MBOAT2: variants seen among roughly 807,000 people sequenced by gnomAD.
MBOAT2 encodes membrane-bound glycerophospholipid O-acyltransferase 2.
Under a neutral mutation model 63.4 loss-of-function variants are expected in MBOAT2, and 28 were observed. The observed-to-expected ratio is 0.44, with a 90% CI of 0.33 to 0.61. The LOEUF is 0.61. Ranked by LOEUF, MBOAT2 falls within the 20% of genes least tolerant of loss-of-function variation. The pLI, the probability that MBOAT2 is intolerant of heterozygous loss-of-function variation, is 0.03. For missense variants in MBOAT2, 470 were observed against 605.8 expected (o/e 0.78, Z 2.35); for synonymous variants, 211 against 215.6 (o/e 0.98, Z 0.19).
At chr2:8,960,068 T>C (rs1036701674) in intron 1 of MBOAT2, among the ~76,000 whole-genome samples, 4 of 152,226 alleles carry the variant, frequency 2.6e-5, no homozygotes, top group Non-Finnish European at 5.9e-5. Flanking sequence ...CAATTGTTCT[T>C]TAAAACAGAC....
At chr2:8,889,354 T>C (rs1056991851) in intron 4 of MBOAT2, among the ~76,000 whole-genome samples, 2 of 152,244 alleles carry the variant, frequency 1.3e-5, no homozygotes, top group African/African-American at 4.8e-5. Context: ...CTTGAGAAGC[T>C]ACAGCTCATT....
intron 1 of MBOAT2, among the ~76,000 whole-genome samples, chr2:8,969,516 TAAC>T (rs1241403310): frequency 2.0e-5 from 3 of 152,134 alleles, no homozygotes; most frequent in African/African-American, 7.2e-5. Flanking sequence ...AATTCACACA[TAAC>T]AATATTAACT....
chr2:8,877,876 T>C (rs62104409), intron 6 of MBOAT2, among the ~76,000 whole-genome samples: 10,322 of 152,204 alleles, frequency 0.068, 380 homozygotes, highest in Middle Eastern at 0.095. Flanking sequence ...GCCGTGGGGC[T>C]GGAGCAGAGT....
At position 8,852,843 on chromosome 2, in the gene MBOAT2, A is replaced by G. The variant is rs1660850714; in HGVS notation, c.*5836T>C. 1.3e-5 allele frequency: 2 copies of G among 152,254 alleles called. No individual in the cohort carries two copies. Among genetic ancestry groups the G allele is most frequent in the Non-Finnish European group, 2.9e-5 (2 of 68,042 alleles). The allele number at this position is 152,254 out of a possible 1,614,324, so 9.4% of individuals were successfully genotyped here. On this transcript the variant is annotated 3_prime_UTR_variant, in exon 13 of 13. Coordinates refer to ENST00000305997, the MANE Select transcript of MBOAT2 (RefSeq NM_138799.4). ...GACAGACTAGAAATGAGTGGTTATG[A>G]AATGAGCACATCTCAGTTTGACTGA... is the stretch of plus-strand genomic sequence containing the variant.
At position 8,942,883 on chromosome 2, in the gene MBOAT2, C is replaced by G. The variant is rs1668152475; in HGVS notation, c.299+304G>C. Among the ~76,000 whole-genome samples, 4 of 152,240 alleles carry G rather than the reference C, an allele frequency of 2.6e-5. 1 individual carries two copies. The South Asian group carries it at 8.3e-4, about 32-fold the overall frequency. On this transcript the variant is annotated intron_variant, in intron 3 of 12. Transcript: ENST00000305997. ...GAAAATATCTGGAAACATTTATGGTCGTCACAGCTCAAGGGGTGCTACTGG... is the reference window on the plus strand; with the variant it reads ...GAAAATATCTGGAAACATTTATGGTGGTCACAGCTCAAGGGGTGCTACTGG...
At chr2:8,956,553 T>C (rs1358378569) in intron 2 of MBOAT2, among the ~76,000 whole-genome samples, 2 of 151,800 alleles carry the variant, frequency 1.3e-5, no homozygotes, top group Non-Finnish European at 2.9e-5. Flanking sequence ...ATTAGCCGGG[T>C]GTGGTGGCAC....
At chr2:8,896,244 A>C (rs1298521255) in intron 4 of MBOAT2, among the ~76,000 whole-genome samples, 1 of 151,742 alleles carries the variant, frequency 6.6e-6, no homozygotes, top group African/African-American at 2.4e-5. Flanking sequence ...GTCTCAAAAA[A>C]AAAAAAAAAA....
At chr2:8,932,963 A>T (rs376104101) in intron 3 of MBOAT2, among the ~76,000 whole-genome samples, 1 of 152,234 alleles carries the variant, frequency 6.6e-6, no homozygotes, top group East Asian at 1.9e-4. Context: ...ACTGTCTAAG[A>T]CAATTTCCTC....
intron 1 of MBOAT2, among the ~76,000 whole-genome samples, chr2:8,975,107 G>A (rs1670727082): frequency 1.3e-5 from 2 of 152,096 alleles, no homozygotes; most frequent in South Asian, 2.1e-4. Flanking sequence ...TACCTAGAAA[G>A]AATAACACTC....
At chr2:8,915,307 A>G (rs2148599626) in intron 3 of MBOAT2, among the ~76,000 whole-genome samples, 1 of 152,168 alleles carries the variant, frequency 6.6e-6, no homozygotes, top group East Asian at 1.9e-4. Context: ...AGTTTTCCTG[A>G]AAAAAGGAAA....
chr2:8,884,195 CAAAAAAA>C (rs1169179642), intron 5 of MBOAT2, among the ~76,000 whole-genome samples: 15 of 22,098 alleles, frequency 6.8e-4, no homozygotes, highest in African/African-American at 1.0e-3. Context: ...AAGACTCAGC[CAAAAAAA>C]AAAAAAAAAA....
chr2:8,868,538 T>A lies in MBOAT2; in HGVS notation c.895A>T (p.Asn299Tyr), dbSNP rs756721934. Residue 299 changes from asparagine to tyrosine, a missense_variant, in exon 9 of 13, where the codon AAT (asparagine) becomes TAT (tyrosine). Around this residue, in one of 3 missense-constraint regions of MBOAT2, gnomAD observed 376 missense variants for 503.8 expected, o/e 0.75. Transcript: ENST00000305997. ...YFAWTLADAI[N>Y]NAAGFGFRGY... ...CTGAAACCAAAGCCTGCAGCATTAT[T>A]AATGGCATCAGCTATAGAAAACAAC... 1 of 1,613,484 alleles carries A rather than the reference T, an allele frequency of 6.2e-7. No individual in the cohort carries two copies. Among genetic ancestry groups the A allele is most frequent in the South Asian group, 1.1e-5 (1 of 90,928 alleles).
At chr2:8,928,426 G>A (rs1039329545) in intron 3 of MBOAT2, among the ~76,000 whole-genome samples, 4 of 152,102 alleles carry the variant, frequency 2.6e-5, no homozygotes, top group Non-Finnish European at 5.9e-5. Context: ...CAGATGACTG[G>A]GGAAGACTAC....
At chr2:8,910,578 A>G (rs1665644190) in intron 3 of MBOAT2, among the ~76,000 whole-genome samples, 1 of 152,214 alleles carries the variant, frequency 6.6e-6, no homozygotes, top group African/African-American at 2.4e-5. Context: ...CATGTCAGAT[A>G]AGAAGCCGTT....
At chr2:9,000,316 G>A (rs1672593933) in intron 1 of MBOAT2, among the ~76,000 whole-genome samples, 1 of 151,898 alleles carries the variant, frequency 6.6e-6, no homozygotes, top group African/African-American at 2.4e-5. Flanking sequence ...CTCTCAACTT[G>A]GAATAAATGA....
intron 3 of MBOAT2, among the ~76,000 whole-genome samples, chr2:8,922,866 G>A (rs1433063639): frequency 6.6e-6 from 1 of 152,242 alleles, no homozygotes; most frequent in Non-Finnish European, 1.5e-5. Flanking sequence ...CTCAGGCTAG[G>A]AGAGCTGGAG....
chr2:8,935,182 G>A (rs905552682), intron 3 of MBOAT2, among the ~76,000 whole-genome samples: 1 of 152,146 alleles, frequency 6.6e-6, no homozygotes, highest in Non-Finnish European at 1.5e-5. Context: ...GAGAACACCA[G>A]GAGACTACGG....
intron 4 of MBOAT2, among the ~76,000 whole-genome samples, chr2:8,899,915 C>T (rs1664787356): frequency 6.6e-6 from 1 of 152,162 alleles, no homozygotes; most frequent in Non-Finnish European, 1.5e-5. Context: ...TTGTTCAGGG[C>T]CCAGGGCTTG....
At position 8,854,323 on chromosome 2, in the gene MBOAT2, G is replaced by A. The variant is rs1196611551; in HGVS notation, c.*4356C>T. 6 of 152,212 alleles carry A rather than the reference G, an allele frequency of 3.9e-5. No homozygotes were observed. In the South Asian group the frequency reaches 1.2e-3, roughly 32 times the overall value. The allele number at this position is 152,212 out of a possible 1,614,324, so 9.4% of individuals were successfully genotyped here. Reference sequence around the variant, plus strand: ...ACAGAAATTTCAGCATCTAAGATGAGTGTATCAACGACCAGCCACTCATTA... The same window carrying A: ...ACAGAAATTTCAGCATCTAAGATGAATGTATCAACGACCAGCCACTCATTA... On this transcript the variant is annotated 3_prime_UTR_variant, in exon 13 of 13. Coordinates refer to ENST00000305997, the MANE Select transcript of MBOAT2 (RefSeq NM_138799.4).
Sources: gnomAD v4.1 joint callset for allele counts (sites outside exome capture counted in the v4.1 genomes callset) on GRCh38, gnomAD v4.1.1 for gene constraint, gnomAD v4.1.1 regional missense constraint, MANE v1.5 for transcripts, NCBI Gene and HGNC (gene_info 2026-07-23, HGNC 2026-07-21) for gene names.